Variants in DLGAP5 observed in about 807,000 individuals in gnomAD.
DLGAP5 encodes DLG associated protein 5.
DLGAP5 carries 90 observed loss-of-function variants against 99.6 expected under a neutral mutation model. The ratio of observed to expected loss-of-function variants is 0.90; its 90% CI spans 0.76 to 1.08. DLGAP5 has a LOEUF of 1.08. DLGAP5 is among the 50% of genes least tolerant of loss of function. The pLI is 0.00. For synonymous variants in DLGAP5, 311 were observed against 321.3 expected, an observed-to-expected ratio of 0.97 and a Z score of 0.34; for missense variants, 1,036 against 983.5, an observed-to-expected ratio of 1.05 and a Z score of -0.71.
rs1305435136 is a variant in DLGAP5, at chr14:55,169,424, C to G, written c.1523G>C (p.Gly508Ala). Residue 508 changes from glycine to alanine, a missense_variant, in exon 12 of 19, where the codon GGA becomes GCA. Physicochemically the swap from Gly to Ala is moderately conservative, Grantham distance 60. Coordinates refer to ENST00000247191, the MANE Select transcript of DLGAP5 (RefSeq NM_014750.5). ...IKETTCTDLD[G>A]FWDMVSFQIE... ...CTGAAAACTAACCATATCCCAAAAT[C>G]CATCCAGATCTGTACAGGTAGTCTC... 1.9e-6 allele frequency: 3 copies of G among 1,549,094 alleles called. No homozygotes were observed. The highest frequency in any genetic ancestry group is 2.8e-5 in the African/African-American group (2 of 71,214).
chr14:55,181,354 A>G, intron 4 of DLGAP5, 57 bp from the exon 5 acceptor site: 1 of 1,416,546 alleles, frequency 7.1e-7, no homozygotes, highest in Middle Eastern at 1.8e-4. Context: ...AGACCATCAT[A>G]TTTTTAATCT....
At chr14:55,167,639 C>A (rs1055841726) in intron 12 of DLGAP5, among the ~76,000 whole-genome samples, 1 of 152,164 alleles carries the variant, frequency 6.6e-6, no homozygotes, top group African/African-American at 2.4e-5. Context: ...AGGACATTCT[C>A]ATTTTCCTGA....
At position 55,154,616 on chromosome 14, in the gene DLGAP5, C is replaced by A; in HGVS notation, c.2063+1G>T. 1 of 1,612,538 alleles carries A rather than the reference C, an allele frequency of 6.2e-7. No individual in the cohort carries two copies. Among genetic ancestry groups the A allele is most frequent in the Non-Finnish European group, 8.5e-7 (1 of 1,178,706 alleles). ...CTCTTATTAACATGTTAAAGAAATACCTGCTTTCAGGAATACTCAAAAACA... is the reference window on the plus strand; with the variant it reads ...CTCTTATTAACATGTTAAAGAAATAACTGCTTTCAGGAATACTCAAAAACA... On this transcript the variant is annotated splice_donor_variant, in intron 15 of 18. Transcript: ENST00000247191. LOFTEE classifies it high-confidence loss of function.
intron 13 of DLGAP5, among the ~76,000 whole-genome samples, chr14:55,159,082 T>TA (rs67774456): frequency 2.9e-5 from 3 of 102,934 alleles, no homozygotes; most frequent in Non-Finnish European, 4.4e-5. Context: ...AAAAAGTAAA[T>TA]AAAAAAAAAG....
At chr14:55,148,502 A>G (rs989334263) in intron 18 of DLGAP5, 29 bp from the exon 19 acceptor site, 4 of 1,613,560 alleles carry the variant, frequency 2.5e-6, no homozygotes, top group African/African-American at 2.7e-5. Flanking sequence ...GAAGTCAGTA[A>G]AGTATCCATC....
intron 10 of DLGAP5, among the ~76,000 whole-genome samples, chr14:55,172,579 G>A (rs977792548): frequency 2.6e-5 from 4 of 152,026 alleles, no homozygotes; most frequent in East Asian, 3.9e-4. Context: ...AGCCAAGAGC[G>A]AGACACTGCA....
chr14:55,150,053 A>C (rs1014341564), intron 18 of DLGAP5, among the ~76,000 whole-genome samples: 6 of 108,484 alleles, frequency 5.5e-5, no homozygotes, highest in African/African-American at 1.4e-4. Flanking sequence ...ACTCTGTCTC[A>C]AAAAAAAAAA....
rs1008096660 is a variant in DLGAP5 at position 55,169,315 on chromosome 14, C to T, written c.1548+84G>A. On this transcript the variant is annotated intron_variant, in intron 12 of 18. Coordinates refer to ENST00000247191, the MANE Select transcript of DLGAP5 (RefSeq NM_014750.5). Reference sequence around the variant, plus strand: ...AATATTACAGGTACATAAGCAGCTACTATTACCCCATTTTACTCCTGCTAC... The same window carrying T: ...AATATTACAGGTACATAAGCAGCTATTATTACCCCATTTTACTCCTGCTAC... 9 of 943,448 alleles carry T rather than the reference C, an allele frequency of 9.5e-6. No individual in the cohort carries two copies. The East Asian group carries it at 2.0e-4, about 21-fold the overall frequency. 58.4% of individuals were successfully genotyped at this position (943,448 alleles called of 1,614,324 possible).
Position 55,152,598 on chromosome 14 carries a change from C to G in DLGAP5, c.2113G>C (p.Glu705Gln), listed in dbSNP as rs751403204. 4.4e-6 allele frequency: 7 copies of G among 1,601,094 alleles called. No homozygotes were observed. Among genetic ancestry groups the G allele is most frequent in the Non-Finnish European group, 5.1e-6 (6 of 1,174,578 alleles). ...ACTGGAATTGTACTTACATGATTTTCTTCAATTAAATCTGGTAATCCAGGA... is the reference window on the plus strand; with the variant it reads ...ACTGGAATTGTACTTACATGATTTTGTTCAATTAAATCTGGTAATCCAGGA... ...QCPGLPDLIE[E>Q]NHVVNKTDLK... is the part of the protein sequence containing the mutation. Residue 705 changes from glutamate to glutamine, a missense_variant, in exon 16 of 19, where the codon GAA becomes CAA. Physicochemically the swap from Glu to Gln is conservative, Grantham distance 29. Transcript: ENST00000247191.
intron 14 of DLGAP5, among the ~76,000 whole-genome samples, chr14:55,155,799 A>G (rs954779167): frequency 6.6e-5 from 10 of 151,872 alleles, no homozygotes; most frequent in Non-Finnish European, 1.5e-4. Flanking sequence ...AATCAAGAAA[A>G]ATGAATTGGC....
chr14:55,166,869 C>A (rs188717529), intron 12 of DLGAP5, among the ~76,000 whole-genome samples: 1 of 149,718 alleles, frequency 6.7e-6, no homozygotes. Flanking sequence ...TCATATAGCT[C>A]TTTTGTGTTT....
At chr14:55,160,714 A>G (rs998485141) in intron 13 of DLGAP5, among the ~76,000 whole-genome samples, 1 of 152,130 alleles carries the variant, frequency 6.6e-6, no homozygotes, top group African/African-American at 2.4e-5. Flanking sequence ...AAGTGCTGGG[A>G]TTACAGGCTT....
At chr14:55,176,745 G>A (rs1353120405) in intron 8 of DLGAP5, among the ~76,000 whole-genome samples, 4 of 151,842 alleles carry the variant, frequency 2.6e-5, no homozygotes, top group African/African-American at 9.7e-5. Flanking sequence ...TTGGGAGGCC[G>A]AGGCGGGCGG....
chr14:55,182,650 CA>C (rs1883315010), intron 3 of DLGAP5, among the ~76,000 whole-genome samples: 1 of 152,128 alleles, frequency 6.6e-6, no homozygotes, highest in Non-Finnish European at 1.5e-5. Flanking sequence ...AAAGAAATTT[CA>C]AACCGTATTT....
At chr14:55,169,600 C>T (rs373470811) in intron 11 of DLGAP5, 41 bp from the exon 12 acceptor site, 25 of 1,483,970 alleles carry the variant, frequency 1.7e-5, no homozygotes, top group South Asian at 1.4e-4. Flanking sequence ...AAGGACAAAA[C>T]GGGACATTCA....
intron 14 of DLGAP5, among the ~76,000 whole-genome samples, chr14:55,155,803 A>T (rs1882196077): frequency 6.6e-6 from 1 of 151,826 alleles, no homozygotes; most frequent in Non-Finnish European, 1.5e-5. Flanking sequence ...AAGAAAAATG[A>T]ATTGGCCGGG....
intron 2 of DLGAP5, 110 bp from the exon 3 acceptor site, chr14:55,183,863 T>C: frequency 1.7e-6 from 2 of 1,190,826 alleles, no homozygotes; most frequent in Non-Finnish European, 2.2e-6. Flanking sequence ...TGCTAAAAAA[T>C]GCTTTCAGGC....
At chr14:55,153,247 G>T (rs930829067) in intron 15 of DLGAP5, among the ~76,000 whole-genome samples, 1 of 152,094 alleles carries the variant, frequency 6.6e-6, no homozygotes, top group East Asian at 1.9e-4. Context: ...TATCTTATTA[G>T]AAATATCTGT....
At chr14:55,148,645 G>GCCC in intron 18 of DLGAP5, 172 bp from the exon 19 acceptor site, 1 of 1,421,204 alleles carries the variant, frequency 7.0e-7, no homozygotes, top group Non-Finnish European at 9.6e-7. Flanking sequence ...CTTGAACCCA[G>GCCC]GACTTCAAGA....
Sources: allele counts gnomAD v4.1 joint callset (sites outside exome capture counted in the v4.1 genomes callset), GRCh38; gene constraint gnomAD v4.1.1; transcripts MANE v1.5; gene names NCBI Gene and HGNC (gene_info 2026-07-23, HGNC 2026-07-21).